Variants in UNC80 observed in about 807,000 individuals in gnomAD.
UNC80 encodes the protein protein unc-80 homolog.
UNC80 carries 164 observed loss-of-function variants against 384.6 expected under a neutral mutation model. That is an observed-to-expected ratio of 0.43 (90% CI 0.38 to 0.49). The LOEUF (loss-of-function observed/expected upper bound fraction) is 0.49. UNC80 is among the 20% of genes least tolerant of loss of function. The probability of loss-of-function intolerance (pLI) is 0.00; values close to 1 mark genes in which losing one functional copy is unlikely to be tolerated. For missense variants in UNC80, 3,330 were observed against 4,143.0 expected, an observed-to-expected ratio of 0.80 and a Z score of 5.39; for synonymous variants, 1,486 against 1,527.8, an observed-to-expected ratio of 0.97 and a Z score of 0.64.
chr2:209,779,542 G>T (rs1204590578), intron 4 of UNC80, among the ~76,000 whole-genome samples: 1 of 152,150 alleles, frequency 6.6e-6, no homozygotes, highest in East Asian at 1.9e-4. Flanking sequence ...CTGCATGTTT[G>T]TTGCCCTTCA....
At position 209,915,279 on chromosome 2, in the gene UNC80, C is replaced by A. The variant is rs187469219; in HGVS notation, c.5029+1339C>A. Among the ~76,000 whole-genome samples, 10 of 151,936 alleles carry A rather than the reference C, an allele frequency of 6.6e-5. No homozygotes were observed. The East Asian group carries it at 1.9e-3, about 30-fold the overall frequency. On this transcript the variant is annotated intron_variant, in intron 31 of 64. Transcript: ENST00000673920. ...AATTAGCCGGGCATGGTGGCAGGCA[C>A]CTGTAGTCCCAGCTACTCGGGAGGC...
At chr2:209,945,671 A>G (rs1052878347) in intron 46 of UNC80, among the ~76,000 whole-genome samples, 176 bp from the exon 47 acceptor site, 1 of 152,194 alleles carries the variant, frequency 6.6e-6, no homozygotes, top group Non-Finnish European at 1.5e-5. Context: ...AAAACTAGAA[A>G]ACAGAATTTC....
intron 4 of UNC80, among the ~76,000 whole-genome samples, chr2:209,778,594 A>G (rs1021866215): frequency 7.2e-5 from 11 of 152,204 alleles, no homozygotes; most frequent in Admixed American, 1.3e-4. Flanking sequence ...TCACTGTGCC[A>G]TCACTTTTTA....
intron 4 of UNC80, among the ~76,000 whole-genome samples, chr2:209,782,411 C>T (rs2077201814): frequency 6.6e-6 from 1 of 152,056 alleles, no homozygotes; most frequent in Non-Finnish European, 1.5e-5. Context: ...TTCTAGTAAA[C>T]TCCTACTTAT....
chr2:209,956,590 T>A lies in UNC80; in HGVS notation c.7458-1054T>A, dbSNP rs182324617. Among the ~76,000 whole-genome samples, 613 of 152,226 alleles carry A rather than the reference T, an allele frequency of 4.0e-3. 5 individuals carry two copies. Among genetic ancestry groups the A allele is most frequent in the Non-Finnish European group, 6.9e-3 (466 of 68,014 alleles). On this transcript the variant is annotated intron_variant, in intron 48 of 64. Transcript: ENST00000673920. ...TTTTTTTAAATTTTTTAATTTTTTTTAAATTATACTTTAAGTTTTAGGGTA... is the reference window on the plus strand; with the variant it reads ...TTTTTTTAAATTTTTTAATTTTTTTAAAATTATACTTTAAGTTTTAGGGTA...
intron 35 of UNC80, among the ~76,000 whole-genome samples, chr2:209,924,531 T>A (rs1165029598): frequency 6.6e-6 from 1 of 152,086 alleles, no homozygotes; most frequent in African/African-American, 2.4e-5. Flanking sequence ...TACTTTCTGC[T>A]TGTGTAGAGC....
intron 25 of UNC80, 92 bp downstream of exon 25, chr2:209,881,186 C>A: frequency 7.2e-7 from 1 of 1,389,604 alleles, no homozygotes; most frequent in South Asian, 1.5e-5. Context: ...CTTAAATGTT[C>A]CATGGCTAGT....
intron 22 of UNC80, among the ~76,000 whole-genome samples, chr2:209,853,759 G>C (rs573847545): frequency 2.2e-4 from 34 of 152,188 alleles, no homozygotes; most frequent in Non-Finnish European, 3.4e-4. Context: ...TGCACAAGCA[G>C]TGATTTCTAA....
chr2:209,854,405 T>C (rs1244684126), intron 22 of UNC80, among the ~76,000 whole-genome samples: 1 of 152,138 alleles, frequency 6.6e-6, no homozygotes, highest in Non-Finnish European at 1.5e-5. Flanking sequence ...TGATGGATAC[T>C]TGGGTTGAAT....
rs767107589 is a variant in UNC80, at chr2:209,835,019, C to A, written c.3041+9C>A. ...TCACAGACTCCAGAGCAGTAAGTAG[C>A]GTTGGTTTTGTCTCCAGTGCAGACG... On this transcript the variant is annotated intron_variant, in intron 18 of 64. Coordinates refer to ENST00000673920, the MANE Select transcript of UNC80 (RefSeq NM_001371986.1). 1.1e-5 allele frequency: 17 copies of A among 1,547,372 alleles called. No homozygotes were observed. The highest frequency in any genetic ancestry group is 1.1e-4 in the African/African-American group (8 of 72,934).
intron 25 of UNC80, among the ~76,000 whole-genome samples, chr2:209,882,545 G>A (rs1444870715): frequency 6.6e-6 from 1 of 152,186 alleles, no homozygotes; most frequent in Non-Finnish European, 1.5e-5. Context: ...ATTGAAAAGA[G>A]AAGTTTCTTC....
At chr2:209,822,564 A>C (rs895973299) in intron 13 of UNC80, among the ~76,000 whole-genome samples, 1 of 152,214 alleles carries the variant, frequency 6.6e-6, no homozygotes, top group Non-Finnish European at 1.5e-5. Context: ...AAACCAAAAA[A>C]AAGAGAATAT....
At chr2:209,841,774 A>G (rs2081774153) in intron 20 of UNC80, among the ~76,000 whole-genome samples, 1 of 152,206 alleles carries the variant, frequency 6.6e-6, no homozygotes, top group African/African-American at 2.4e-5. Context: ...CTATTTGCTA[A>G]AAAACATAAG....
At chr2:209,899,302 TGTTGACTTTG>T (rs2087129422) in intron 28 of UNC80, among the ~76,000 whole-genome samples, 2 of 152,200 alleles carry the variant, frequency 1.3e-5, no homozygotes, top group Non-Finnish European at 1.5e-5. Context: ...TAATGTAAAC[TGTTGACTTTG>T]GGTGATAATG....
intron 63 of UNC80, among the ~76,000 whole-genome samples, 180 bp downstream of exon 63, chr2:209,993,606 C>T (rs1307108077): frequency 1.3e-5 from 2 of 152,118 alleles, no homozygotes; most frequent in Non-Finnish European, 2.9e-5. Context: ...CTTCCCCAGT[C>T]CCTGTCTGTA....
At position 209,896,001 on chromosome 2, in the gene UNC80, G is replaced by A. The variant is rs527336716; in HGVS notation, c.4481-312G>A. 1.1e-4 allele frequency among the ~76,000 whole-genome samples: 16 copies of A among 152,248 alleles called. No homozygotes were observed. In the South Asian group the frequency reaches 1.7e-3, roughly 16 times the overall value. ...TGGTCAGTCTGGAATGGATTTGGGC[G>A]CACTCAATCAATAACTGGCTCATCT... On this transcript the variant is annotated intron_variant, in intron 27 of 64. Transcript: ENST00000673920.
At chr2:209,865,741 T>A (rs1376288187) in intron 22 of UNC80, among the ~76,000 whole-genome samples, 1 of 152,250 alleles carries the variant, frequency 6.6e-6, no homozygotes, top group African/African-American at 2.4e-5. Context: ...ATTTAACATA[T>A]TCTTTGTTCA....
At chr2:209,936,333 A>C (rs528566977) in intron 40 of UNC80, among the ~76,000 whole-genome samples, 1 of 152,210 alleles carries the variant, frequency 6.6e-6, no homozygotes, top group African/African-American at 2.4e-5. Flanking sequence ...CATTTTCAAC[A>C]GTACTGAGAT....
At position 209,931,129 on chromosome 2, in the gene UNC80, A is replaced by C. The variant is rs1195567827; in HGVS notation, c.5994+75A>C. 22 of 1,114,726 alleles carry C rather than the reference A, an allele frequency of 2.0e-5. 1 individual carries two copies. In the South Asian group the frequency reaches 3.3e-4, roughly 17 times the overall value. The allele number at this position is 1,114,726 out of a possible 1,614,324, so 69.1% of individuals were successfully genotyped here. On this transcript the variant is annotated intron_variant, in intron 38 of 64. Coordinates refer to ENST00000673920, the MANE Select transcript of UNC80 (RefSeq NM_001371986.1). ...AGGTCTTAGAAGATTTTTTTCAATA[A>C]ATTTCCATTAATTACATTACTAAAG...
Sources: gnomAD v4.1 joint callset for allele counts (sites outside exome capture counted in the v4.1 genomes callset) on GRCh38, gnomAD v4.1.1 for gene constraint, MANE v1.5 for transcripts, NCBI Gene and HGNC (gene_info 2026-07-23, HGNC 2026-07-21) for gene names.